The following SUMF1 variants were observed in gnomAD, a reference collection of about 807,000 sequenced individuals.
The protein encoded by SUMF1 is formylglycine-generating enzyme.
SUMF1 carries 48 observed loss-of-function variants against 47.6 expected under a neutral mutation model. The ratio of observed to expected loss-of-function variants is 1.01; its 90% CI spans 0.80 to 1.28. The LOEUF is 1.28. Ranked by LOEUF, SUMF1 falls within the 50% of genes most tolerant of loss-of-function variation. The pLI is 0.00. For synonymous variants in SUMF1, 230 were observed against 192.1 expected (o/e 1.20, Z -1.63); for missense variants, 571 against 485.4 (o/e 1.18, Z -1.66).
chr3:4,456,771 C>CGTGTATATATATAT, intron 1 of SUMF1, among the ~76,000 whole-genome samples: 1 of 7,414 alleles, frequency 1.3e-4, no homozygotes, highest in African/African-American at 6.2e-4. Context: ...TGTATATATA[C>CGTGTATATATATAT]ACATATATAC....
Position 4,168,598 on chromosome 3 carries a change from G to A in SUMF1, c.1015-99853C>T, listed in dbSNP as rs143834046. Reference sequence around the variant, plus strand: ...TCACTTACAGAATGTATACTTTTATGTGTACATATTACATTTCAATTCAAA... The same window carrying A: ...TCACTTACAGAATGTATACTTTTATATGTACATATTACATTTCAATTCAAA... On this transcript the variant is annotated intron_variant and NMD_transcript_variant, in intron 8 of 12. Coordinates refer to the SUMF1 transcript ENST00000448413. Among the ~76,000 whole-genome samples, 430 of 152,258 alleles carry A rather than the reference G, an allele frequency of 2.8e-3. 3 individuals are homozygous for A. The highest frequency in any genetic ancestry group is 0.01 in the African/African-American group (417 of 41,552).
intron 8 of SUMF1, among the ~76,000 whole-genome samples, chr3:4,212,630 C>G (rs990475573): frequency 6.6e-6 from 1 of 152,068 alleles, no homozygotes; most frequent in African/African-American, 2.4e-5. Flanking sequence ...AAGGAGCATG[C>G]TGTAACTCAA....
At chr3:4,419,541 C>A in intron 4 of SUMF1, among the ~76,000 whole-genome samples, 1 of 152,018 alleles carries the variant, frequency 6.6e-6, no homozygotes, top group East Asian at 1.9e-4. Context: ...TATTTCCTTG[C>A]CACCCTGGAG....
intron 7 of SUMF1, among the ~76,000 whole-genome samples, chr3:4,395,550 A>G (rs1259532580): frequency 6.6e-6 from 1 of 152,190 alleles, no homozygotes; most frequent in Non-Finnish European, 1.5e-5. Flanking sequence ...CAAATTGGAA[A>G]GAAGAGCGCA....
rs140108207 is a variant in SUMF1, at chr3:4,415,933, C to T, written c.840+1195G>A. Among the ~76,000 whole-genome samples the T allele has an allele frequency of 7.5e-4, 114 of 152,264 alleles. 1 individual carries two copies. The highest frequency in any genetic ancestry group is 2.6e-3 in the African/African-American group (110 of 41,556). ...ATTAGTCCCTTCTGGTGGATGCAGCCGACATCAATCATGCTGCTGCCTTGG... is the reference window on the plus strand; with the variant it reads ...ATTAGTCCCTTCTGGTGGATGCAGCTGACATCAATCATGCTGCTGCCTTGG... On this transcript the variant is annotated intron_variant, in intron 6 of 8. Transcript: ENST00000272902.
At chr3:4,220,239 G>A (rs1450329174) in intron 8 of SUMF1, among the ~76,000 whole-genome samples, 1 of 152,126 alleles carries the variant, frequency 6.6e-6, no homozygotes, top group Non-Finnish European at 1.5e-5. Flanking sequence ...TGTGTGTGCT[G>A]CACTTCATAC....
At position 4,099,900 on chromosome 3, in the gene SUMF1, A is replaced by C. The variant is rs111580941; in HGVS notation, c.1015-31155T>G. Among the ~76,000 whole-genome samples the C allele has an allele frequency of 4.1e-3, 623 of 152,048 alleles. 9 individuals are homozygous for C. The highest frequency in any genetic ancestry group is 0.014 in the African/African-American group (589 of 41,502). On this transcript the variant is annotated intron_variant and NMD_transcript_variant, in intron 8 of 12. Coordinates refer to the SUMF1 transcript ENST00000448413. ...ATAGGTGTAAATTAAACTAAGGAAA[A>C]AAAAGATGTGTATACTGAAAACTAC...
At chr3:4,339,655 T>G (rs1699228360) in intron 8 of SUMF1, among the ~76,000 whole-genome samples, 1 of 152,222 alleles carries the variant, frequency 6.6e-6, no homozygotes, top group Non-Finnish European at 1.5e-5. Flanking sequence ...GGAAGGCTGA[T>G]AGCACTCTCA....
intron 1 of SUMF1, among the ~76,000 whole-genome samples, chr3:4,461,294 A>G (rs2079809373): frequency 6.6e-6 from 1 of 152,248 alleles, no homozygotes; most frequent in Non-Finnish European, 1.5e-5. Context: ...AAGATAACCC[A>G]GTCCTAAAAG....
chr3:4,219,989 T>C (rs1213895886), intron 8 of SUMF1, among the ~76,000 whole-genome samples: 1 of 152,086 alleles, frequency 6.6e-6, no homozygotes, highest in African/African-American at 2.4e-5. Flanking sequence ...AAGACTGGCG[T>C]CTAGGAGAAC....
intron 3 of SUMF1, among the ~76,000 whole-genome samples, chr3:4,428,441 ACTC>A (rs1702133385): frequency 6.6e-6 from 1 of 151,918 alleles, no homozygotes. Flanking sequence ...GTAACCTTGA[ACTC>A]CTGAGCTCAA....
chr3:4,185,891 T>C (rs1303782018), intron 8 of SUMF1, among the ~76,000 whole-genome samples: 4 of 152,166 alleles, frequency 2.6e-5, no homozygotes, highest in African/African-American at 9.7e-5. Flanking sequence ...AACTTCCTTA[T>C]AGTGGCAGGA....
intron 8 of SUMF1, among the ~76,000 whole-genome samples, chr3:4,093,347 A>G (rs1379303497): frequency 6.6e-6 from 1 of 152,134 alleles, no homozygotes; most frequent in African/African-American, 2.4e-5. Flanking sequence ...AATTAAAACT[A>G]AAGTGCTGGC....
chr3:4,343,172 G>T (rs1699306975), intron 8 of SUMF1, among the ~76,000 whole-genome samples: 1 of 152,232 alleles, frequency 6.6e-6, no homozygotes, highest in Non-Finnish European at 1.5e-5. Context: ...ATGGGAGAGA[G>T]GAGGCTGATG....
At chr3:4,127,196 C>T (rs973629079) in intron 8 of SUMF1, among the ~76,000 whole-genome samples, 16 of 152,126 alleles carry the variant, frequency 1.1e-4, no homozygotes, top group African/African-American at 3.9e-4. Flanking sequence ...GTGATACCAA[C>T]CTAGAGAGCT....
intron 7 of SUMF1, among the ~76,000 whole-genome samples, chr3:4,408,749 T>A (rs866910593): frequency 1.1e-4 from 16 of 152,162 alleles, no homozygotes; most frequent in African/African-American, 3.6e-4. Flanking sequence ...GGCGGGTAGA[T>A]CACCTGAGGT....
intron 9 of SUMF1, among the ~76,000 whole-genome samples, chr3:4,045,007 C>T (rs931875619): frequency 2.0e-5 from 3 of 152,206 alleles, no homozygotes; most frequent in Non-Finnish European, 2.9e-5. Flanking sequence ...TATTTCCTTA[C>T]CTATAAAATG....
At chr3:4,108,609 A>G (rs184823358) in intron 8 of SUMF1, among the ~76,000 whole-genome samples, 2,325 of 152,094 alleles carry the variant, frequency 0.015, 37 homozygotes, top group Non-Finnish European at 0.024. Context: ...GGGTGCTCCC[A>G]TATTGGGTGC....
intron 8 of SUMF1, among the ~76,000 whole-genome samples, chr3:4,273,206 CACAA>C (rs1422044368): frequency 4.0e-5 from 6 of 151,504 alleles, no homozygotes; most frequent in African/African-American, 1.5e-4. Context: ...TGTTTGTCCA[CACAA>C]ACACATACAC....
Sources: allele counts gnomAD v4.1 joint callset (sites outside exome capture counted in the v4.1 genomes callset), GRCh38; gene constraint gnomAD v4.1.1; transcripts MANE v1.5; gene names NCBI Gene and HGNC (gene_info 2026-07-23, HGNC 2026-07-21).